The following PCDHGA4 variants were observed in gnomAD, a reference collection of about 807,000 sequenced individuals.
PCDHGA4 encodes protocadherin gamma subfamily A, 4, also known as protocadherin gamma-A4.
In PCDHGA4, 38 loss-of-function variants were observed where a neutral mutation model predicts 54.6. That is an observed-to-expected ratio of 0.70 (90% CI 0.54 to 0.91). The LOEUF (loss-of-function observed/expected upper bound fraction) is 0.91. PCDHGA4 is among the 40% of genes least tolerant of loss of function. The pLI is 0.00. For missense variants in PCDHGA4, 1,298 were observed against 1,220.9 expected (o/e 1.06, Z -0.94); for synonymous variants, 511 against 512.9 (o/e 1.00, Z 0.05).
chr5:141,366,278 G>A, intron 1 of PCDHGA4: 1 of 1,613,712 alleles, frequency 6.2e-7, no homozygotes. Flanking sequence ...CGAAGACCAT[G>A]GCCAGCCCCC....
chr5:141,362,593 A>T, intron 1 of PCDHGA4: 1 of 1,589,406 alleles, frequency 6.3e-7, no homozygotes, highest in South Asian at 1.1e-5. Flanking sequence ...TTCTGGTTTT[A>T]TTGTTTCACC....
chr5:141,430,826 CTG>C (rs2097313923), intron 1 of PCDHGA4: 1 of 1,550,416 alleles, frequency 6.4e-7, no homozygotes, highest in Non-Finnish European at 8.7e-7. Context: ...CCTGGGGACT[CTG>C]TGGGAGACCG....
intron 1 of PCDHGA4, among the ~76,000 whole-genome samples, chr5:141,401,393 A>G (rs2094149748): frequency 6.6e-6 from 1 of 152,202 alleles, no homozygotes. Context: ...ACTACATGTT[A>G]TGTGTATGAG....
chr5:141,491,783 A>C lies in PCDHGA4; in HGVS notation c.2515-3024A>C. 1 of 1,539,736 alleles carries C rather than the reference A, an allele frequency of 6.5e-7. No individual in the cohort carries two copies. The highest frequency in any genetic ancestry group is 1.2e-5 in the South Asian group (1 of 82,444). On this transcript the variant is annotated intron_variant, in intron 1 of 3. Coordinates refer to ENST00000571252, the MANE Select transcript of PCDHGA4 (RefSeq NM_018917.4). The surrounding 1 kb of genome is among the most constrained non-coding windows in gnomAD (Gnocchi z 6.9). ...CGTCCTCATAAGGGATTGAACTTGC[A>C]TCCACTCCTCTCCGGCCGGCTTGGT...
intron 1 of PCDHGA4, chr5:141,416,261 A>G (rs2096009073): frequency 6.6e-6 from 1 of 152,294 alleles, no homozygotes; most frequent in Non-Finnish European, 1.5e-5. Flanking sequence ...ACACTGCAGT[A>G]TCCTTTTTGC....
chr5:141,440,075 T>C (rs2098148518), intron 1 of PCDHGA4: 1 of 152,428 alleles, frequency 6.6e-6, no homozygotes, highest in Non-Finnish European at 1.5e-5. Flanking sequence ...TGAGGAATAA[T>C]ACTTCATTCT....
At chr5:141,429,486 A>C (rs2097218130) in intron 1 of PCDHGA4, among the ~76,000 whole-genome samples, 1 of 152,114 alleles carries the variant, frequency 6.6e-6, no homozygotes, top group Non-Finnish European at 1.5e-5. Context: ...AGTAGCTGAG[A>C]CTACAGTTGC....
intron 1 of PCDHGA4, among the ~76,000 whole-genome samples, chr5:141,481,555 C>T (rs1013876865): frequency 3.3e-5 from 5 of 152,164 alleles, no homozygotes; most frequent in South Asian, 2.1e-4. Flanking sequence ...CAGTGGCTCA[C>T]GCCTGTAATC....
At chr5:141,409,973 G>A in intron 1 of PCDHGA4, 1 of 1,613,380 alleles carries the variant, frequency 6.2e-7, no homozygotes, top group Non-Finnish European at 8.5e-7. Context: ...AGTGACTAAG[G>A]TGGTAGCGGT....
rs949391796 is a variant in PCDHGA4 at position 141,493,050 on chromosome 5, A to G, written c.2515-1757A>G. 6.6e-6 allele frequency among the ~76,000 whole-genome samples: 1 copy of G among 152,262 alleles called. No homozygotes were observed. The highest frequency in any genetic ancestry group is 2.4e-5 in the African/African-American group (1 of 41,464). On this transcript the variant is annotated intron_variant, in intron 1 of 3. Coordinates refer to ENST00000571252, the MANE Select transcript of PCDHGA4 (RefSeq NM_018917.4). The surrounding 1 kb of genome is among the most constrained non-coding windows in gnomAD (Gnocchi z 4.3). Reference sequence around the variant, plus strand: ...CCCTTATGTGTGAGGAAACTACAATAGTAAAAAACACAAGTTTCTCCAACT... The same window carrying G: ...CCCTTATGTGTGAGGAAACTACAATGGTAAAAAACACAAGTTTCTCCAACT...
At chr5:141,403,001 T>C (rs1189114508) in intron 1 of PCDHGA4, 11 of 1,613,878 alleles carry the variant, frequency 6.8e-6, no homozygotes, top group African/African-American at 1.3e-5. Flanking sequence ...AGTCCTGCTA[T>C]GCTCGCTCCT....
intron 1 of PCDHGA4, chr5:141,413,494 G>C: frequency 6.2e-7 from 1 of 1,614,042 alleles, no homozygotes; most frequent in Non-Finnish European, 8.5e-7. Flanking sequence ...CGCGCGGTGC[G>C]TGGTGAGTTT....
Position 141,487,265 on chromosome 5 carries a change from G to C in PCDHGA4, c.2515-7542G>C, listed in dbSNP as rs144347539. 6,978 of 1,614,152 alleles carry C rather than the reference G, an allele frequency of 4.3e-3. 28 individuals carry two copies. Among genetic ancestry groups the C allele is most frequent in the Non-Finnish European group, 4.9e-3 (5,770 of 1,180,028 alleles). ...AACCCTCTACTTGGCTGTGTCCCTA[G>C]TGGCAATTTGCTTTGTCTCCTTTGG... On this transcript the variant is annotated intron_variant, in intron 1 of 3. Coordinates refer to ENST00000571252, the MANE Select transcript of PCDHGA4 (RefSeq NM_018917.4). This position sits in a 1 kb window ranked among gnomAD's most constrained non-coding sequence, Gnocchi z 5.0.
chr5:141,408,108 A>T, intron 1 of PCDHGA4: 1 of 1,441,874 alleles, frequency 6.9e-7, no homozygotes, highest in Non-Finnish European at 9.1e-7. Flanking sequence ...GAGACCCGGG[A>T]CTCCTCCTGT....
In PCDHGA4 at chr5:141,380,718, C is replaced by T. The variant is rs1776684550; in HGVS notation, c.2514+23097C>T. Among the ~76,000 whole-genome samples the T allele has an allele frequency of 2.6e-5, 4 of 152,158 alleles. No homozygotes were observed. In the South Asian group the frequency reaches 8.3e-4, roughly 32 times the overall value. On this transcript the variant is annotated intron_variant, in intron 1 of 3. Transcript: ENST00000571252. ...GTAGTCTATAATTTAATTTAACTAG[C>T]TCTTATTTCCTTTTCTCCAAAGAAG...
intron 1 of PCDHGA4, chr5:141,393,977 T>C (rs1014126865): frequency 1.9e-6 from 3 of 1,613,870 alleles, no homozygotes; most frequent in Non-Finnish European, 2.5e-6. Flanking sequence ...ACACACGTGA[T>C]AATTTACCTT....
chr5:141,374,093 C>G (rs1039229802), intron 1 of PCDHGA4: 2 of 1,554,704 alleles, frequency 1.3e-6, no homozygotes, highest in South Asian at 1.2e-5. Context: ...AATGGCGCCT[C>G]CGCAGAGGCA....
At position 141,355,515 on chromosome 5, in the gene PCDHGA4, C is replaced by G. The variant is rs759193676; in HGVS notation, c.408C>G (p.Asn136Lys). The G allele has an allele frequency of 6.2e-7, 1 of 1,614,008 alleles. No homozygotes were observed. ...ACAGATCTCCAAACTGTGTGACAAA[C>G]CTGGAGATTCTTCTAGAAGATACAG... ...LCDRSPNCVT[N>K]LEILLEDTVK... Residue 136 changes from asparagine to lysine, a missense_variant, in exon 1 of 4, where the codon AAC (asparagine) becomes AAG (lysine). Transcript: ENST00000571252.
chr5:141,483,444 T>C (rs956913442), intron 1 of PCDHGA4, among the ~76,000 whole-genome samples: 1 of 152,108 alleles, frequency 6.6e-6, no homozygotes, highest in African/African-American at 2.4e-5. Context: ...TACAATAAAA[T>C]CATCAGGACT....
Sources: allele counts gnomAD v4.1 joint callset (sites outside exome capture counted in the v4.1 genomes callset), GRCh38; gene constraint gnomAD v4.1.1; non-coding constraint Gnocchi (gnomAD v3.1); transcripts MANE v1.5; gene names NCBI Gene and HGNC (gene_info 2026-07-23, HGNC 2026-07-21).